AKR1C8: variants seen among roughly 807,000 people sequenced by gnomAD.
AKR1C8 encodes the protein aldo-keto reductase family 1 member C-like protein 1.
the AKR1C8 span, among the ~76,000 whole-genome samples, chr10:5,127,658 G>A: frequency 6.7e-6 from 1 of 148,352 alleles, no homozygotes; most frequent in East Asian, 2.0e-4. Flanking sequence ...GGAGGAGGTT[G>A]CAGCAGTGAG....
the AKR1C8 span, chr10:5,162,885 C>T: frequency 1.6e-4 from 84 of 534,496 alleles, 2 homozygotes; most frequent in Admixed American, 1.0e-3. Flanking sequence ...TCTCTCTTGA[C>T]GGTACCATCA....
chr10:5,145,751 GACTGTCA>G, the AKR1C8 span, among the ~76,000 whole-genome samples: 206 of 152,282 alleles, frequency 1.4e-3, 1 homozygote, highest in African/African-American at 4.8e-3. Flanking sequence ...CTATTGGTGG[GACTGTCA>G]ACTAGTTCAA....
the AKR1C8 span, among the ~76,000 whole-genome samples, chr10:5,134,662 A>G: frequency 6.6e-6 from 1 of 152,204 alleles, no homozygotes; most frequent in African/African-American, 2.4e-5. Flanking sequence ...GTCATGCTCA[A>G]GGCCACACAG....
chr10:5,167,738 C>T, the AKR1C8 span, among the ~76,000 whole-genome samples: 1 of 151,928 alleles, frequency 6.6e-6, no homozygotes, highest in Non-Finnish European at 1.5e-5. Context: ...ATGTAAGTAA[C>T]CTGCACATTG....
At chr10:5,181,903 A>G in the AKR1C8 span, among the ~76,000 whole-genome samples, 2 of 152,190 alleles carry the variant, frequency 1.3e-5, no homozygotes, top group South Asian at 4.1e-4. Context: ...ACTCTCAAAT[A>G]CAAGTTTCTA....
chr10:5,136,163 C>G, the AKR1C8 span, among the ~76,000 whole-genome samples: 2 of 152,108 alleles, frequency 1.3e-5, no homozygotes, highest in African/African-American at 4.8e-5. Flanking sequence ...AAATGTTATT[C>G]ATAAAACTGG....
the AKR1C8 span, among the ~76,000 whole-genome samples, chr10:5,142,644 T>C: frequency 6.6e-6 from 1 of 152,150 alleles, no homozygotes; most frequent in African/African-American, 2.4e-5. Context: ...GGGAACCACC[T>C]GTCACTGAAG....
chr10:5,118,548 T>C, the AKR1C8 span, among the ~76,000 whole-genome samples: 1 of 151,900 alleles, frequency 6.6e-6, no homozygotes, highest in Non-Finnish European at 1.5e-5. Flanking sequence ...TTGGGAAAAA[T>C]GGATTCTGGT....
the AKR1C8 span, among the ~76,000 whole-genome samples, chr10:5,119,238 GAACT>G: frequency 8.5e-5 from 13 of 152,144 alleles, no homozygotes; most frequent in Admixed American, 7.9e-4. Context: ...CAGTAAGCAA[GAACT>G]AACACCATGC....
chr10:5,140,558 A>G, the AKR1C8 span, among the ~76,000 whole-genome samples: 2 of 152,144 alleles, frequency 1.3e-5, no homozygotes, highest in East Asian at 3.9e-4. Flanking sequence ...CAGAAAACCA[A>G]ACACCACATG....
chr10:5,120,613 G>T, the AKR1C8 span, among the ~76,000 whole-genome samples: 1 of 152,068 alleles, frequency 6.6e-6, no homozygotes, highest in South Asian at 2.1e-4. Context: ...AGTAAGACAA[G>T]TCTAAACACT....
At chr10:5,155,867 T>C in the AKR1C8 span, 5 of 370,000 alleles carry the variant, frequency 1.4e-5, no homozygotes, top group East Asian at 4.0e-4. Flanking sequence ...GGGGGAAGCA[T>C]TTTCATCCTC....
At chr10:5,156,532 C>CTATCTATCTATCTATCTATT in the AKR1C8 span, among the ~76,000 whole-genome samples, 1 of 151,380 alleles carries the variant, frequency 6.6e-6, no homozygotes, top group Non-Finnish European at 1.5e-5. Flanking sequence ...TCAGATCTAT[C>CTATCTATCTATCTATCTATT]TATCTATCTA....
the AKR1C8 span, among the ~76,000 whole-genome samples, chr10:5,182,704 G>A: frequency 4.9e-4 from 75 of 152,258 alleles, 1 homozygote; most frequent in South Asian, 0.013. Flanking sequence ...GAGCTCAGGA[G>A]TTCGAGACCA....
At chr10:5,132,331 T>C in the AKR1C8 span, among the ~76,000 whole-genome samples, 1 of 152,140 alleles carries the variant, frequency 6.6e-6, no homozygotes, top group Non-Finnish European at 1.5e-5. Context: ...GCCATTGAAA[T>C]TAAAAAATGA....
the AKR1C8 span, among the ~76,000 whole-genome samples, chr10:5,120,083 T>G: frequency 6.6e-6 from 1 of 152,184 alleles, no homozygotes; most frequent in Non-Finnish European, 1.5e-5. Context: ...AAGGAACAGC[T>G]GGCCCACCCA....
chr10:5,119,498 C>A, the AKR1C8 span, among the ~76,000 whole-genome samples: 16 of 152,238 alleles, frequency 1.1e-4, no homozygotes, highest in South Asian at 3.3e-3. Context: ...GTAAATTATT[C>A]TGGAATGGAT....
the AKR1C8 span, among the ~76,000 whole-genome samples, chr10:5,139,461 C>T: frequency 6.6e-6 from 1 of 152,092 alleles, no homozygotes; most frequent in African/African-American, 2.4e-5. Flanking sequence ...AGATATAGAC[C>T]AATGGAACAG....
the AKR1C8 span, among the ~76,000 whole-genome samples, chr10:5,167,381 A>C: frequency 6.6e-6 from 1 of 152,192 alleles, no homozygotes. Flanking sequence ...CTTGGAACCA[A>C]CCCAAATGTC....
Sources: gnomAD v4.1 joint callset for allele counts (sites outside exome capture counted in the v4.1 genomes callset) on GRCh38, gnomAD v4.1.1 for gene constraint, MANE v1.5 for transcripts, NCBI Gene and HGNC (gene_info 2026-07-23, HGNC 2026-07-21) for gene names.